Variants in EPC2 observed in about 807,000 individuals in gnomAD.
The protein encoded by EPC2 is enhancer of polycomb homolog 2.
A neutral mutation model predicts 92.1 loss-of-function variants in EPC2; 14 were observed. That is an observed-to-expected ratio of 0.15 (90% CI 0.10 to 0.24). The LOEUF is 0.24. Among genes scored for constraint, EPC2 ranks in the 10% least tolerant of loss-of-function variants. EPC2 has a pLI of 1.00. For synonymous variants in EPC2, 340 were observed against 334.7 expected (o/e 1.02, Z -0.17); for missense variants, 755 against 971.5 (o/e 0.78, Z 2.96).
At chr2:148,700,791 A>G (rs1026359688) in intron 2 of EPC2, among the ~76,000 whole-genome samples, 3 of 148,774 alleles carry the variant, frequency 2.0e-5, no homozygotes, top group Non-Finnish European at 4.4e-5. Flanking sequence ...GTCTTTCTAT[A>G]TGAACTAGAA....
chr2:148,761,545 C>T lies in EPC2; in HGVS notation c.667-237C>T, dbSNP rs1172145259. On this transcript the variant is annotated intron_variant, in intron 4 of 13. Coordinates refer to ENST00000258484, the MANE Select transcript of EPC2 (RefSeq NM_015630.4). Reference sequence around the variant, plus strand: ...TTACATTGAAATTATCTCTTTATGCCATTCTACCTTTTCAACAGCTGGCAA... The same window carrying T: ...TTACATTGAAATTATCTCTTTATGCTATTCTACCTTTTCAACAGCTGGCAA... Among the ~76,000 whole-genome samples, 3 of 152,046 alleles carry T rather than the reference C, an allele frequency of 2.0e-5. No individual in the cohort carries two copies. In the East Asian group the frequency reaches 5.8e-4, roughly 29 times the overall value.
intron 10 of EPC2, among the ~76,000 whole-genome samples, chr2:148,779,217 C>T (rs1297956294): frequency 1.3e-5 from 2 of 152,166 alleles, no homozygotes; most frequent in Non-Finnish European, 2.9e-5. Context: ...AGAAGTGGAA[C>T]ACAGCTAGTT....
chr2:148,783,659 A>C lies in EPC2; in HGVS notation c.1920A>C (p.Ala640=), dbSNP rs912342527. The C allele has an allele frequency of 6.2e-7, 1 of 1,604,322 alleles. No individual in the cohort carries two copies. Among genetic ancestry groups the C allele is most frequent in the Non-Finnish European group, 8.5e-7 (1 of 1,175,036 alleles). ...TLDSASAHFA[A]SAVVSAPVPS... Reference sequence around the variant, plus strand: ...ACTCAGCCAGCGCCCACTTTGCTGCATCTGCAGTGGTCAGTGCACCTGTTC... The same window carrying C: ...ACTCAGCCAGCGCCCACTTTGCTGCCTCTGCAGTGGTCAGTGCACCTGTTC... Residue 640 remains alanine, a synonymous_variant, in exon 12 of 14, where the codon GCA becomes GCC. Coordinates refer to ENST00000258484, the MANE Select transcript of EPC2 (RefSeq NM_015630.4).
At chr2:148,755,286 CT>C (rs1683164826) in intron 4 of EPC2, among the ~76,000 whole-genome samples, 1 of 151,984 alleles carries the variant, frequency 6.6e-6, no homozygotes, top group South Asian at 2.1e-4. Flanking sequence ...TGGCACTTTT[CT>C]AAGACTGAAA....
chr2:148,717,177 ACTC>A (rs1202207837), intron 2 of EPC2, among the ~76,000 whole-genome samples: 1 of 145,942 alleles, frequency 6.9e-6, no homozygotes, highest in Non-Finnish European at 1.5e-5. Context: ...AAAAAAAACA[ACTC>A]CTGGATTCAT....
At chr2:148,772,292 A>G (rs1218609833) in intron 10 of EPC2, among the ~76,000 whole-genome samples, 1 of 152,210 alleles carries the variant, frequency 6.6e-6, no homozygotes, top group African/African-American at 2.4e-5. Context: ...CATGTATGCA[A>G]GTATGTATAA....
At chr2:148,646,478 T>G (rs190089158) in intron 1 of EPC2, among the ~76,000 whole-genome samples, 16 of 152,232 alleles carry the variant, frequency 1.1e-4, no homozygotes, top group Admixed American at 3.3e-4. Flanking sequence ...GTAATAGATA[T>G]ATATACACGC....
Position 148,704,245 on chromosome 2 carries a change from A to G in EPC2, c.313+13872A>G, listed in dbSNP as rs533019037. Reference sequence around the variant, plus strand: ...AGGAAGGCAGTGACACATGGTTACAATATGGATGAAACCTGAGACATTGGC... The same window carrying G: ...AGGAAGGCAGTGACACATGGTTACAGTATGGATGAAACCTGAGACATTGGC... On this transcript the variant is annotated intron_variant, in intron 2 of 13. Transcript: ENST00000258484. 4.6e-5 allele frequency among the ~76,000 whole-genome samples: 7 copies of G among 152,354 alleles called. No individual in the cohort carries two copies. The East Asian group carries it at 7.7e-4, about 17-fold the overall frequency.
chr2:148,699,376 T>C (rs1681829999), intron 2 of EPC2, among the ~76,000 whole-genome samples: 1 of 152,176 alleles, frequency 6.6e-6, no homozygotes, highest in Non-Finnish European at 1.5e-5. Flanking sequence ...GTAACATGGA[T>C]CCATGATTAC....
intron 2 of EPC2, among the ~76,000 whole-genome samples, chr2:148,705,368 G>A (rs1213340931): frequency 2.6e-5 from 4 of 152,018 alleles, no homozygotes; most frequent in African/African-American, 9.7e-5. Context: ...TAAAATTCAC[G>A]GTTCCAAGAT....
chr2:148,781,807 C>CGTTT (rs1558839414), intron 11 of EPC2, 27 bp downstream of exon 11: 2 of 1,611,544 alleles, frequency 1.2e-6, no homozygotes, highest in South Asian at 2.2e-5. Flanking sequence ...GTCATAGTTA[C>CGTTT]GTTTGTTTCT....
chr2:148,746,059 T>C (rs1211291760), intron 3 of EPC2, among the ~76,000 whole-genome samples: 2 of 152,092 alleles, frequency 1.3e-5, no homozygotes, highest in Non-Finnish European at 2.9e-5. Flanking sequence ...TTGTTTCTCA[T>C]GACCATTCCT....
chr2:148,781,589 G>A (rs1169605311), intron 10 of EPC2, 55 bp from the exon 11 acceptor site: 1 of 1,523,546 alleles, frequency 6.6e-7, no homozygotes, highest in Non-Finnish European at 9.0e-7. Context: ...TTCTGCTTGT[G>A]TTATTAAAAA....
intron 3 of EPC2, among the ~76,000 whole-genome samples, chr2:148,750,710 G>A (rs184948924): frequency 6.6e-6 from 1 of 152,016 alleles, no homozygotes; most frequent in South Asian, 2.1e-4. Context: ...CAGTGTGTTG[G>A]TTTTGAGCTG....
chr2:148,699,208 G>A (rs542641585), intron 2 of EPC2, among the ~76,000 whole-genome samples: 1 of 152,154 alleles, frequency 6.6e-6, no homozygotes, highest in East Asian at 1.9e-4. Context: ...TTACAAAAAA[G>A]CCAATAACAA....
intron 1 of EPC2, among the ~76,000 whole-genome samples, chr2:148,661,892 A>T (rs1163728607): frequency 6.6e-6 from 1 of 152,228 alleles, no homozygotes; most frequent in Non-Finnish European, 1.5e-5. Flanking sequence ...ACCATTTGGT[A>T]ATGAGGTGTT....
At chr2:148,668,625 T>C (rs1161069306) in intron 1 of EPC2, among the ~76,000 whole-genome samples, 1 of 152,222 alleles carries the variant, frequency 6.6e-6, no homozygotes, top group Admixed American at 6.5e-5. Context: ...CGTATAAGGC[T>C]AACAGTTTCT....
At position 148,783,767 on chromosome 2, in the gene EPC2, G is replaced by A; in HGVS notation, c.2017+11G>A. ...TTGTCCAGCCTTCAGGTACAGCTGG[G>A]GTTTCACATGGTACCTACTTTCTTG... On this transcript the variant is annotated intron_variant, in intron 12 of 13. Transcript: ENST00000258484. The A allele has an allele frequency of 1.3e-6, 2 of 1,579,148 alleles. No individual in the cohort carries two copies. Among genetic ancestry groups the A allele is most frequent in the Non-Finnish European group, 1.7e-6 (2 of 1,160,856 alleles).
rs544058330 is a variant in EPC2, at chr2:148,765,380, T to C, written c.1140+234T>C. Among the ~76,000 whole-genome samples the C allele has an allele frequency of 4.7e-4, 71 of 152,328 alleles. 2 individuals are homozygous for C. The South Asian group carries it at 0.015, about 32-fold the overall frequency. On this transcript the variant is annotated intron_variant, in intron 7 of 13. Coordinates refer to ENST00000258484, the MANE Select transcript of EPC2 (RefSeq NM_015630.4). Reference sequence around the variant, plus strand: ...GAGCGCATGGTTTTTAGTTTTTCCATTTATAAAAATGAACATAGATTTTTT... The same window carrying C: ...GAGCGCATGGTTTTTAGTTTTTCCACTTATAAAAATGAACATAGATTTTTT...
Sources: gnomAD v4.1 joint callset for allele counts (sites outside exome capture counted in the v4.1 genomes callset) on GRCh38, gnomAD v4.1.1 for gene constraint, MANE v1.5 for transcripts, NCBI Gene and HGNC (gene_info 2026-07-23, HGNC 2026-07-21) for gene names.